The following HEATR4 variants were observed in gnomAD, a reference collection of about 807,000 sequenced individuals.
The protein encoded by HEATR4 is HEAT repeat-containing protein 4.
In HEATR4, 95 loss-of-function variants were observed where a neutral mutation model predicts 108.8. That is an observed-to-expected ratio of 0.87 (90% CI 0.74 to 1.04). The LOEUF (loss-of-function observed/expected upper bound fraction) is 1.04, where lower values mean the gene tolerates loss of function less well. HEATR4 is among the 50% of genes least tolerant of loss of function. The probability of loss-of-function intolerance (pLI) is 0.00; values close to 1 mark genes in which losing one functional copy is unlikely to be tolerated. For synonymous variants in HEATR4, 443 were observed against 459.4 expected (o/e 0.96, Z 0.46); for missense variants, 1,152 against 1,253.8 (o/e 0.92, Z 1.23).
the HEATR4 span, among the ~76,000 whole-genome samples, chr14:73,607,673 G>C: frequency 6.6e-6 from 1 of 151,908 alleles, no homozygotes; most frequent in African/African-American, 2.4e-5. Flanking sequence ...ACCCAGGCTG[G>C]AGTGCAATGG....
At chr14:73,487,954 G>T (rs947167969) in intron 17 of HEATR4, among the ~76,000 whole-genome samples, 2 of 152,182 alleles carry the variant, frequency 1.3e-5, no homozygotes, top group Admixed American at 6.5e-5. Context: ...GTTTACAGGG[G>T]TTGGGGATGA....
chr14:73,598,877 G>A, the HEATR4 span, among the ~76,000 whole-genome samples: 1 of 152,044 alleles, frequency 6.6e-6, no homozygotes, highest in South Asian at 2.1e-4. Flanking sequence ...GGTGTTGGGT[G>A]CCTGTAATCT....
the HEATR4 span, among the ~76,000 whole-genome samples, chr14:73,627,497 C>T: frequency 6.6e-6 from 1 of 152,140 alleles, no homozygotes; most frequent in African/African-American, 2.4e-5. Flanking sequence ...GTTTGATTTG[C>T]TGGAGTGACT....
intron 5 of HEATR4, among the ~76,000 whole-genome samples, chr14:73,515,914 G>A (rs1887577140): frequency 1.1e-5 from 1 of 93,562 alleles, no homozygotes; most frequent in African/African-American, 4.9e-5. Context: ...CTTCTCTCAG[G>A]CGATTTGAAA....
the HEATR4 span, among the ~76,000 whole-genome samples, chr14:73,588,242 C>T: frequency 6.0e-4 from 91 of 152,230 alleles, 1 homozygote; most frequent in Non-Finnish European, 1.1e-3. Flanking sequence ...TCAAGTGATC[C>T]GCCCGCTTCA....
the HEATR4 span, among the ~76,000 whole-genome samples, chr14:73,623,565 T>C: frequency 6.6e-6 from 1 of 152,140 alleles, no homozygotes; most frequent in Admixed American, 6.5e-5. Flanking sequence ...TGAGCACCTG[T>C]AGTCCCAGCT....
At chr14:73,596,691 T>G in the HEATR4 span, among the ~76,000 whole-genome samples, 1 of 151,498 alleles carries the variant, frequency 6.6e-6, no homozygotes, top group African/African-American at 2.4e-5. Flanking sequence ...CTCTGCCTCC[T>G]GGGTTCAAGC....
At chr14:73,629,931 A>G in the HEATR4 span, among the ~76,000 whole-genome samples, 161 of 151,816 alleles carry the variant, frequency 1.1e-3, 1 homozygote, top group South Asian at 8.3e-4. Flanking sequence ...ACAGACGTGA[A>G]CCACCACACC....
intron 1 of HEATR4, among the ~76,000 whole-genome samples, chr14:73,549,297 G>T (rs2158980): frequency 8.8e-6 from 1 of 114,066 alleles, no homozygotes; most frequent in South Asian, 2.8e-4. Context: ...TCTCAGGGGC[G>T]TCAGGCCTCA....
intron 12 of HEATR4, among the ~76,000 whole-genome samples, chr14:73,499,494 A>C (rs1173647318): frequency 6.6e-6 from 1 of 152,002 alleles, no homozygotes; most frequent in South Asian, 2.1e-4. Flanking sequence ...AAGCAAAAAA[A>C]CAAAACAAAG....
the HEATR4 span, chr14:73,592,556 A>G: frequency 9.2e-7 from 1 of 1,089,892 alleles, no homozygotes; most frequent in East Asian, 2.7e-5. Context: ...CACTCTACCA[A>G]AATAGAGGGT....
At chr14:73,503,928 A>G (rs1886645560) in intron 10 of HEATR4, among the ~76,000 whole-genome samples, 1 of 152,202 alleles carries the variant, frequency 6.6e-6, no homozygotes, top group African/African-American at 2.4e-5. Context: ...AACCCCTGCT[A>G]GCTCTGCATG....
chr14:73,521,507 C>T (rs549447571), intron 3 of HEATR4, among the ~76,000 whole-genome samples: 1 of 152,164 alleles, frequency 6.6e-6, no homozygotes, highest in Non-Finnish European at 1.5e-5. Context: ...GTATTCCCAG[C>T]ACTTTGCAGA....
intron 2 of HEATR4, among the ~76,000 whole-genome samples, chr14:73,524,710 T>A (rs1888222233): frequency 6.6e-6 from 1 of 150,776 alleles, no homozygotes; most frequent in Non-Finnish European, 1.5e-5. Context: ...CGTGCCACAC[T>A]GGCCTTGGCC....
At chr14:73,495,442 G>A (rs1332471966) in intron 15 of HEATR4, 55 bp from the exon 16 acceptor site, 4 of 1,420,388 alleles carry the variant, frequency 2.8e-6, no homozygotes, top group Non-Finnish European at 3.9e-6. Context: ...GTACTAGGCA[G>A]CAAATTATCA....
the HEATR4 span, among the ~76,000 whole-genome samples, chr14:73,598,946 A>G: frequency 6.6e-6 from 1 of 151,978 alleles, no homozygotes; most frequent in African/African-American, 2.4e-5. Context: ...AGAGGTTGCA[A>G]TGAGTCAAGA....
the HEATR4 span, among the ~76,000 whole-genome samples, chr14:73,597,317 C>T: frequency 6.6e-6 from 1 of 151,904 alleles, no homozygotes. Context: ...ATCTCCTGAC[C>T]TCGTGATCCA....
chr14:73,498,373 T>C, intron 13 of HEATR4, 29 bp from the exon 14 acceptor site: 1 of 1,548,808 alleles, frequency 6.5e-7, no homozygotes, highest in South Asian at 1.2e-5. Flanking sequence ...AGCATGTCAC[T>C]GAAGACTGAG....
chr14:73,623,862 C>T, the HEATR4 span, among the ~76,000 whole-genome samples: 1 of 152,034 alleles, frequency 6.6e-6, no homozygotes, highest in Non-Finnish European at 1.5e-5. Context: ...TCCTGCTTCT[C>T]TCTCGCCATG....
Sources: gnomAD v4.1 joint callset for allele counts (sites outside exome capture counted in the v4.1 genomes callset) on GRCh38, gnomAD v4.1.1 for gene constraint, MANE v1.5 for transcripts, NCBI Gene and HGNC (gene_info 2026-07-23, HGNC 2026-07-21) for gene names.